Variants in NRXN3 observed in about 807,000 individuals in gnomAD.
NRXN3 encodes neurexin 3.
In NRXN3, 32 loss-of-function variants were observed where a neutral mutation model predicts 137.6. That is an observed-to-expected ratio of 0.23 (90% confidence interval 0.18 to 0.31). NRXN3 has a LOEUF of 0.31. NRXN3 is among the 10% of genes least tolerant of loss of function. NRXN3 has a pLI of 1.00. For synonymous variants in NRXN3, 798 were observed against 784.5 expected, an observed-to-expected ratio of 1.02 and a Z score of -0.29; for missense variants, 1,574 against 2,062.5, an observed-to-expected ratio of 0.76 and a Z score of 4.59.
chr14:78,187,398 T>C (rs1441634763), intron 1 of NRXN3, among the ~76,000 whole-genome samples: 2 of 152,114 alleles, frequency 1.3e-5, no homozygotes, highest in Non-Finnish European at 2.9e-5. Context: ...GTTGAGTGAT[T>C]ACCTCCTGAG....
chr14:79,131,436 C>T (rs1043199314), intron 15 of NRXN3, among the ~76,000 whole-genome samples: 5 of 152,060 alleles, frequency 3.3e-5, no homozygotes, highest in Non-Finnish European at 7.4e-5. Flanking sequence ...AGTACCCAGC[C>T]GTGTGAGGTG....
intron 4 of NRXN3, among the ~76,000 whole-genome samples, chr14:78,517,249 G>GGAT (rs1444092374): frequency 1.3e-5 from 2 of 152,084 alleles, no homozygotes; most frequent in African/African-American, 2.4e-5. Context: ...ATAATGAAAA[G>GGAT]GATGATTGAG....
At chr14:79,480,298 T>C (rs775591167) in intron 16 of NRXN3, among the ~76,000 whole-genome samples, 2 of 152,314 alleles carry the variant, frequency 1.3e-5, no homozygotes, top group South Asian at 2.1e-4. Flanking sequence ...TTGCTACTTA[T>C]ATCAGCAGTA....
At chr14:79,636,432 A>G (rs1443917514) in intron 16 of NRXN3, among the ~76,000 whole-genome samples, 2 of 152,180 alleles carry the variant, frequency 1.3e-5, no homozygotes, top group East Asian at 3.9e-4. Flanking sequence ...TCAGCACATC[A>G]CACTCTGGCT....
At chr14:79,153,390 A>G (rs954489736) in intron 15 of NRXN3, among the ~76,000 whole-genome samples, 2 of 151,982 alleles carry the variant, frequency 1.3e-5, no homozygotes, top group Non-Finnish European at 1.5e-5. Flanking sequence ...AAAGACAAGC[A>G]TTTCCTCTTT....
chr14:79,483,552 C>A (rs2096627441), intron 16 of NRXN3, among the ~76,000 whole-genome samples: 1 of 152,144 alleles, frequency 6.6e-6, no homozygotes, highest in African/African-American at 2.4e-5. Flanking sequence ...GCAGGAAGAT[C>A]AAATTTCTCT....
At chr14:78,278,084 G>A (rs2073871114) in intron 2 of NRXN3, among the ~76,000 whole-genome samples, 1 of 152,200 alleles carries the variant, frequency 6.6e-6, no homozygotes, top group African/African-American at 2.4e-5. Flanking sequence ...GCGGGGAATT[G>A]TAAATATTTT....
chr14:79,185,674 C>A lies in NRXN3; in HGVS notation c.3262+197533C>A, dbSNP rs534110182. 3.3e-3 allele frequency among the ~76,000 whole-genome samples: 499 copies of A among 152,100 alleles called. 1 individual carries two copies. Among genetic ancestry groups the A allele is most frequent in the Non-Finnish European group, 4.8e-3 (329 of 67,978 alleles). On this transcript the variant is annotated intron_variant, in intron 15 of 20. Transcript: ENST00000335750. Reference sequence around the variant, plus strand: ...TAGAGACAGGGTTTCACCATGTTAGCCAGGATGGTCTCGATCTCCTGACCT... The same window carrying A: ...TAGAGACAGGGTTTCACCATGTTAGACAGGATGGTCTCGATCTCCTGACCT...
chr14:79,264,730 G>GTAACAAA (rs983112243), intron 15 of NRXN3, among the ~76,000 whole-genome samples: 2 of 152,234 alleles, frequency 1.3e-5, no homozygotes, highest in African/African-American at 4.8e-5. Flanking sequence ...AATTCAGTCT[G>GTAACAAA]TAACAAATCC....
intron 15 of NRXN3, among the ~76,000 whole-genome samples, chr14:79,328,961 T>G (rs2091295944): frequency 6.6e-6 from 1 of 152,226 alleles, no homozygotes; most frequent in Admixed American, 6.5e-5. Context: ...TTTCCTTCTT[T>G]GACATAATTT....
chr14:78,904,478 C>T (rs927216055), intron 10 of NRXN3, among the ~76,000 whole-genome samples: 4 of 151,988 alleles, frequency 2.6e-5, no homozygotes, highest in Admixed American at 6.6e-5. Flanking sequence ...TGCTGTTTTC[C>T]GCCTGTTGCA....
intron 2 of NRXN3, among the ~76,000 whole-genome samples, chr14:78,250,569 G>A (rs943959866): frequency 1.3e-5 from 2 of 152,212 alleles, no homozygotes; most frequent in African/African-American, 2.4e-5. Flanking sequence ...GGTTATGACT[G>A]CGGGATGGGA....
At chr14:78,594,761 T>C (rs1460578916) in intron 4 of NRXN3, among the ~76,000 whole-genome samples, 1 of 152,178 alleles carries the variant, frequency 6.6e-6, no homozygotes, top group Non-Finnish European at 1.5e-5. Flanking sequence ...ATAAGACTCC[T>C]GTTCCAGGAG....
chr14:79,508,022 A>G (rs959805982), intron 16 of NRXN3, among the ~76,000 whole-genome samples: 1 of 152,088 alleles, frequency 6.6e-6, no homozygotes, highest in African/African-American at 2.4e-5. Flanking sequence ...AGTGTGTCTT[A>G]TGGAGTAATT....
At chr14:79,096,352 CGCTCACCTTG>C (rs1230034296) in intron 15 of NRXN3, among the ~76,000 whole-genome samples, 2 of 152,026 alleles carry the variant, frequency 1.3e-5, no homozygotes, top group Non-Finnish European at 2.9e-5. Flanking sequence ...TCAGGCAATC[CGCTCACCTTG>C]GCCTCCCAAA....
At chr14:78,787,360 A>G (rs2098792207) in intron 8 of NRXN3, among the ~76,000 whole-genome samples, 1 of 152,194 alleles carries the variant, frequency 6.6e-6, no homozygotes, top group Non-Finnish European at 1.5e-5. Context: ...CCTTCAACAT[A>G]GTCATTTGGA....
chr14:79,579,836 G>A (rs1238470179), intron 16 of NRXN3, among the ~76,000 whole-genome samples: 1 of 152,034 alleles, frequency 6.6e-6, no homozygotes, highest in Non-Finnish European at 1.5e-5. Context: ...AATATACTTT[G>A]TTGCTAACTA....
chr14:79,209,866 A>G (rs2067382315), intron 15 of NRXN3, among the ~76,000 whole-genome samples: 1 of 152,208 alleles, frequency 6.6e-6, no homozygotes. Flanking sequence ...AGTCTGTAGT[A>G]CAACACTGTT....
At chr14:79,527,764 G>A (rs2097133962) in intron 16 of NRXN3, among the ~76,000 whole-genome samples, 1 of 151,250 alleles carries the variant, frequency 6.6e-6, no homozygotes, top group Non-Finnish European at 1.5e-5. Flanking sequence ...CCAGCTACTT[G>A]GGAGGTTGAG....
Sources: allele counts gnomAD v4.1 joint callset (sites outside exome capture counted in the v4.1 genomes callset), GRCh38; gene constraint gnomAD v4.1.1; transcripts MANE v1.5; gene names NCBI Gene and HGNC (gene_info 2026-07-23, HGNC 2026-07-21).